IGF1R: variants seen among roughly 807,000 people sequenced by gnomAD.
The protein encoded by IGF1R is insulin-like growth factor 1 receptor.
IGF1R carries 44 observed loss-of-function variants against 144.6 expected under a neutral mutation model. That is an observed-to-expected ratio of 0.30 (90% CI 0.24 to 0.39). The LOEUF is 0.39. Ranked by LOEUF, IGF1R falls within the 10% of genes least tolerant of loss-of-function variation. The pLI, the probability that IGF1R is intolerant of heterozygous loss-of-function variation, is 1.00. For missense variants in IGF1R, 1,355 were observed against 1,833.7 expected, an observed-to-expected ratio of 0.74 and a Z score of 4.77; for synonymous variants, 795 against 722.8, an observed-to-expected ratio of 1.10 and a Z score of -1.60.
intron 2 of IGF1R, among the ~76,000 whole-genome samples, chr15:98,745,485 C>T (rs926445805): frequency 2.6e-5 from 4 of 152,218 alleles, no homozygotes; most frequent in East Asian, 1.9e-4. Flanking sequence ...GGTTCCTTCT[C>T]CTGTCTTTCT....
chr15:98,846,813 A>G (rs2011346523), intron 2 of IGF1R, among the ~76,000 whole-genome samples: 1 of 152,242 alleles, frequency 6.6e-6, no homozygotes, highest in Non-Finnish European at 1.5e-5. Context: ...AATCATTGCA[A>G]TCAAGGGAAA....
At chr15:98,692,998 C>T (rs1009233351) in intron 1 of IGF1R, among the ~76,000 whole-genome samples, 1 of 152,166 alleles carries the variant, frequency 6.6e-6, no homozygotes, top group African/African-American at 2.4e-5. Flanking sequence ...TCCCATGTCC[C>T]TTTGTCCCGT....
chr15:98,749,601 GT>G (rs1180190142), intron 2 of IGF1R, among the ~76,000 whole-genome samples: 16 of 152,312 alleles, frequency 1.1e-4, no homozygotes, highest in South Asian at 2.1e-4. Context: ...CAAATTGTTT[GT>G]GTGTTTTTGT....
chr15:98,810,990 A>G (rs1178439804), intron 2 of IGF1R, among the ~76,000 whole-genome samples: 2 of 152,118 alleles, frequency 1.3e-5, no homozygotes, highest in Non-Finnish European at 2.9e-5. Context: ...GTCTGTAGAC[A>G]ACCTAGAATG....
At position 98,957,326 on chromosome 15, in the gene IGF1R, G is replaced by A. The variant is rs200870187; in HGVS notation, c.3988G>A (p.Gly1330Ser). ...AGGACACAAGGCCGAGAACGGCCCC[G>A]GCCCTGGGGTGCTGGTCCTCCGCGC... ...HSGHKAENGP[G>S]PGVLVLRASF... Residue 1330 changes from glycine (G) to serine (S), a missense_variant, in exon 21 of 21, where the codon GGC becomes AGC. By Grantham distance (56) the Gly-to-Ser change is moderately conservative. Transcript: ENST00000650285. 8.6e-5 allele frequency: 138 copies of A among 1,612,048 alleles called. No individual in the cohort carries two copies. Among genetic ancestry groups the A allele is most frequent in the Middle Eastern group, 1.7e-4 (1 of 6,048 alleles).
intron 2 of IGF1R, among the ~76,000 whole-genome samples, chr15:98,867,565 T>A (rs947455023): frequency 2.0e-5 from 3 of 152,152 alleles, no homozygotes; most frequent in African/African-American, 7.2e-5. Context: ...CCGTTAGGTA[T>A]CTTTTATGAC....
In IGF1R at chr15:98,963,065, G is replaced by A. The variant is rs1057216561; in HGVS notation, c.*5623G>A. 1 of 233,546 alleles carries A rather than the reference G, an allele frequency of 4.3e-6. No homozygotes were observed. The highest frequency in any genetic ancestry group is 2.2e-5 in the African/African-American group (1 of 45,332). 14.5% of individuals were successfully genotyped at this position (233,546 alleles called of 1,614,324 possible). A position where few individuals can be genotyped will look rare whatever the true frequency, so the allele number is the denominator to read the frequency against. On this transcript the variant is annotated 3_prime_UTR_variant, in exon 21 of 21. Transcript: ENST00000650285. The stretch of plus-strand genomic sequence containing the variant: ...AGATTACGGGTAGTCAGTTGACGAA[G>A]ATCTGGTTTACAAGAACTAATTAAA...
In IGF1R at chr15:98,911,173, C is replaced by T. The variant is rs2293113; in HGVS notation, c.1463-142C>T. ...AAATGTATGATTTCTTAGTGGAAAA[C>T]GAGAAAGCCACTGAGGAAGCCCAGA... On this transcript the variant is annotated intron_variant, in intron 6 of 20. Transcript: ENST00000650285. 2,205 of 896,196 alleles carry T rather than the reference C, an allele frequency of 2.5e-3. 58 individuals are homozygous for T. The East Asian group carries it at 0.045, about 18-fold the overall frequency. 55.5% of individuals were successfully genotyped at this position (896,196 alleles called of 1,614,324 possible). A position where few individuals can be genotyped will look rare whatever the true frequency, so the allele number is the denominator to read the frequency against.
At chr15:98,858,427 T>C (rs184187334) in intron 2 of IGF1R, among the ~76,000 whole-genome samples, 24 of 152,358 alleles carry the variant, frequency 1.6e-4, no homozygotes, top group Admixed American at 9.8e-4. Context: ...TGGGGAAACA[T>C]TGAAATATAA....
chr15:98,775,319 A>G (rs887099643), intron 2 of IGF1R, among the ~76,000 whole-genome samples: 1 of 152,112 alleles, frequency 6.6e-6, no homozygotes, highest in Admixed American at 6.5e-5. Flanking sequence ...ACTTGTTTGC[A>G]CATTATTATC....
chr15:98,945,062 C>T (rs2016500206), intron 19 of IGF1R, among the ~76,000 whole-genome samples: 1 of 152,358 alleles, frequency 6.6e-6, no homozygotes, highest in Middle Eastern at 3.4e-3. Context: ...GCTGCTCTCC[C>T]TGCAGCTCCC....
intron 2 of IGF1R, among the ~76,000 whole-genome samples, chr15:98,769,233 T>C (rs1748912532): frequency 6.6e-6 from 1 of 152,144 alleles, no homozygotes; most frequent in African/African-American, 2.4e-5. Context: ...CTTTGTGGTA[T>C]GTACCTTGTG....
intron 20 of IGF1R, among the ~76,000 whole-genome samples, 196 bp from the exon 21 acceptor site, chr15:98,956,865 A>G (rs1472477658): frequency 6.6e-6 from 1 of 152,152 alleles, no homozygotes; most frequent in Non-Finnish European, 1.5e-5. Flanking sequence ...ATGGAACCGT[A>G]CGAGGTAAAA....
intron 2 of IGF1R, among the ~76,000 whole-genome samples, chr15:98,809,024 T>C (rs1567139090): frequency 6.6e-6 from 1 of 152,210 alleles, no homozygotes; most frequent in Non-Finnish European, 1.5e-5. Flanking sequence ...AAGAAGCTGC[T>C]CAAGACATTT....
rs181134490 is a variant in IGF1R, at chr15:98,789,670, G to A, written c.640+81563G>A. Among the ~76,000 whole-genome samples, 105 of 152,270 alleles carry A rather than the reference G, an allele frequency of 6.9e-4. 1 individual carries two copies. The highest frequency in any genetic ancestry group is 2.4e-3 in the African/African-American group (99 of 41,546). On this transcript the variant is annotated intron_variant, in intron 2 of 20. Transcript: ENST00000650285. ...ACGCAGCTTTTTCTTTGGAGGAGGG[G>A]CATTTCAAATTGGATGATGCTCTTA...
chr15:98,702,188 G>A (rs1384574669), intron 1 of IGF1R, among the ~76,000 whole-genome samples: 4 of 151,890 alleles, frequency 2.6e-5, no homozygotes, highest in Admixed American at 2.6e-4. Flanking sequence ...TTAACATTTA[G>A]TTCTTAGGGA....
intron 2 of IGF1R, among the ~76,000 whole-genome samples, chr15:98,793,425 G>T (rs1385038999): frequency 6.6e-6 from 1 of 152,204 alleles, no homozygotes; most frequent in Non-Finnish European, 1.5e-5. Context: ...TCCTGTTACT[G>T]TTATCACTGT....
chr15:98,747,147 C>G (rs1242519919), intron 2 of IGF1R, among the ~76,000 whole-genome samples: 1 of 152,192 alleles, frequency 6.6e-6, no homozygotes, highest in Non-Finnish European at 1.5e-5. Context: ...ATAGCTCTAT[C>G]AGTTCCCATT....
At position 98,854,107 on chromosome 15, in the gene IGF1R, C is replaced by A. The variant is rs1258172144; in HGVS notation, c.641-37218C>A. Among the ~76,000 whole-genome samples the A allele has an allele frequency of 2.6e-5, 4 of 152,164 alleles. No homozygotes were observed. In the East Asian group the frequency reaches 7.7e-4, roughly 29 times the overall value. The stretch of plus-strand genomic sequence containing the variant: ...GTTTCGTGATTTGAGAGGAATGGTT[C>A]TTGTGTATCGTGTGGTGACAGCAGG... On this transcript the variant is annotated intron_variant, in intron 2 of 20. Transcript: ENST00000650285.
Sources: allele counts gnomAD v4.1 joint callset (sites outside exome capture counted in the v4.1 genomes callset), GRCh38; gene constraint gnomAD v4.1.1; transcripts MANE v1.5; gene names NCBI Gene and HGNC (gene_info 2026-07-23, HGNC 2026-07-21).